ARNT2: variants seen among roughly 807,000 people sequenced by gnomAD.
ARNT2 encodes aryl hydrocarbon receptor nuclear translocator 2, also known as ARNT protein 2.
ARNT2 carries 36 observed loss-of-function variants against 91.7 expected under a neutral mutation model. The observed-to-expected ratio is 0.39, with a 90% CI of 0.30 to 0.52. ARNT2 has a LOEUF of 0.52. Among genes scored for constraint, ARNT2 ranks in the 20% least tolerant of loss-of-function variants. ARNT2 has a pLI of 0.72. For synonymous variants in ARNT2, 365 were observed against 347.1 expected, an observed-to-expected ratio of 1.05 and a Z score of -0.57; for missense variants, 775 against 939.3, an observed-to-expected ratio of 0.83 and a Z score of 2.29.
intron 1 of ARNT2, among the ~76,000 whole-genome samples, chr15:80,436,578 T>G (rs946236190): frequency 1.3e-5 from 2 of 152,200 alleles, no homozygotes; most frequent in Non-Finnish European, 2.9e-5. Flanking sequence ...CTCCAGATGA[T>G]TAACCATCTG....
In ARNT2 at chr15:80,591,463, C is replaced by A; in HGVS notation, c.1919-105C>A. 1.4e-6 allele frequency: 2 copies of A among 1,412,632 alleles called. No homozygotes were observed. Among genetic ancestry groups the A allele is most frequent in the East Asian group, 2.3e-5 (1 of 43,762 alleles). 87.5% of individuals were successfully genotyped at this position (1,412,632 alleles called of 1,614,324 possible). A position where few individuals can be genotyped will look rare whatever the true frequency, so the allele number is the denominator to read the frequency against. ...CACATTCCGCCAGCTCTGGATGGAA[C>A]GTGCCTTTCAGAAGCGGGAGGCCCT... is the stretch of plus-strand genomic sequence containing the variant. On this transcript the variant is annotated intron_variant, in intron 17 of 18. Transcript: ENST00000303329. The surrounding 1 kb of genome is among the most constrained non-coding windows in gnomAD (Gnocchi z 5.1).
At chr15:80,507,490 G>A (rs556514085) in intron 5 of ARNT2, among the ~76,000 whole-genome samples, 1 of 152,242 alleles carries the variant, frequency 6.6e-6, no homozygotes, top group Admixed American at 6.5e-5. Context: ...CTGCTTTTGC[G>A]GTGCATGGTC....
chr15:80,528,254 C>G (rs1333855209), intron 8 of ARNT2, among the ~76,000 whole-genome samples: 1 of 152,084 alleles, frequency 6.6e-6, no homozygotes, highest in Non-Finnish European at 1.5e-5. Context: ...GAGGCTGATT[C>G]CAGAGTCTGA....
intron 8 of ARNT2, among the ~76,000 whole-genome samples, chr15:80,523,906 A>C (rs1380775470): frequency 6.6e-6 from 1 of 152,202 alleles, no homozygotes; most frequent in Non-Finnish European, 1.5e-5. Flanking sequence ...ACTTTGCCGC[A>C]TGAGAAATGA....
chr15:80,550,547 A>G (rs141132272), intron 8 of ARNT2, among the ~76,000 whole-genome samples: 44 of 152,356 alleles, frequency 2.9e-4, no homozygotes, highest in African/African-American at 1.0e-3. Flanking sequence ...TGCACTGTGA[A>G]GGACCCCAGA....
intron 8 of ARNT2, among the ~76,000 whole-genome samples, chr15:80,523,125 A>G (rs1022073204): frequency 6.6e-6 from 1 of 152,162 alleles, no homozygotes. Flanking sequence ...CTCATGTCCA[A>G]TGTCTCATGA....
At chr15:80,516,238 T>A (rs1897432556) in intron 8 of ARNT2, among the ~76,000 whole-genome samples, 1 of 152,206 alleles carries the variant, frequency 6.6e-6, no homozygotes, top group African/African-American at 2.4e-5. Context: ...GCAACTATGT[T>A]TTTATTGACT....
At chr15:80,504,336 C>T (rs1897241514) in intron 5 of ARNT2, among the ~76,000 whole-genome samples, 1 of 152,206 alleles carries the variant, frequency 6.6e-6, no homozygotes, top group Non-Finnish European at 1.5e-5. Flanking sequence ...TTGTTGTCCG[C>T]TCTCTCATCC....
intron 12 of ARNT2, among the ~76,000 whole-genome samples, chr15:80,565,919 C>A (rs1203221793): frequency 6.6e-6 from 1 of 152,006 alleles, no homozygotes; most frequent in African/African-American, 2.4e-5. Context: ...GACCTGCATT[C>A]CAACCCCAGC....
chr15:80,486,445 G>A (rs1421757682), intron 5 of ARNT2, among the ~76,000 whole-genome samples: 1 of 152,150 alleles, frequency 6.6e-6, no homozygotes, highest in Non-Finnish European at 1.5e-5. Context: ...ACTCACTCTA[G>A]TCCTTTACCC....
Position 80,493,486 on chromosome 15 carries a change from G to T in ARNT2, c.623-14670G>T, listed in dbSNP as rs937712603. On this transcript the variant is annotated intron_variant, in intron 5 of 18. Coordinates refer to ENST00000303329, the MANE Select transcript of ARNT2 (RefSeq NM_014862.4). ...TAGGGCCATGCCCACTCCTTTACAT[G>T]AAATGCTGCCTCTCAGAAGCAGGCT... Among the ~76,000 whole-genome samples, 14 of 152,312 alleles carry T rather than the reference G, an allele frequency of 9.2e-5. 2 individuals are homozygous for T. Among genetic ancestry groups the T allele is most frequent in the Admixed American group, 2.0e-4 (3 of 15,308 alleles).
intron 6 of ARNT2, among the ~76,000 whole-genome samples, chr15:80,509,306 G>A (rs1441647983): frequency 6.6e-6 from 1 of 152,024 alleles, no homozygotes; most frequent in Non-Finnish European, 1.5e-5. Context: ...TCTGGATGTG[G>A]TGGCACACAC....
chr15:80,584,983 C>A (rs1347418592), intron 17 of ARNT2, among the ~76,000 whole-genome samples: 1 of 152,232 alleles, frequency 6.6e-6, no homozygotes, highest in African/African-American at 2.4e-5. Context: ...TCAACTGTAG[C>A]AGACTCCTCA....
chr15:80,521,702 T>C (rs892923913), intron 8 of ARNT2, among the ~76,000 whole-genome samples: 1 of 152,154 alleles, frequency 6.6e-6, no homozygotes, highest in South Asian at 2.1e-4. Context: ...ATCTTCATGC[T>C]TGGAGTAAAT....
chr15:80,516,335 G>C (rs1282090824), intron 8 of ARNT2, among the ~76,000 whole-genome samples: 1 of 152,092 alleles, frequency 6.6e-6, no homozygotes, highest in African/African-American at 2.4e-5. Context: ...TCTCCTTGTA[G>C]GTCTTTTTTT....
intron 5 of ARNT2, among the ~76,000 whole-genome samples, chr15:80,503,835 G>A (rs540483855): frequency 1.3e-5 from 2 of 152,230 alleles, no homozygotes; most frequent in Non-Finnish European, 2.9e-5. Context: ...GCTTAAAGAT[G>A]TACGTACCAG....
chr15:80,522,649 A>G (rs1897568224), intron 8 of ARNT2, among the ~76,000 whole-genome samples: 1 of 152,096 alleles, frequency 6.6e-6, no homozygotes, highest in African/African-American at 2.4e-5. Context: ...ATCTAAACAT[A>G]GAAAAGGTGT....
At chr15:80,580,844 G>T (rs923770651) in intron 16 of ARNT2, among the ~76,000 whole-genome samples, 6 of 152,184 alleles carry the variant, frequency 3.9e-5, no homozygotes, top group Admixed American at 3.9e-4. Context: ...TCACTACTCT[G>T]GACCTCTGGC....
At chr15:80,510,144 CAGACGG>C (rs1190707202) in intron 6 of ARNT2, among the ~76,000 whole-genome samples, 1 of 152,114 alleles carries the variant, frequency 6.6e-6, no homozygotes, top group African/African-American at 2.4e-5. Flanking sequence ...GTGTATTTCA[CAGACGG>C]AGCCAGCCTT....
Sources: allele counts gnomAD v4.1 joint callset (sites outside exome capture counted in the v4.1 genomes callset), GRCh38; gene constraint gnomAD v4.1.1; non-coding constraint Gnocchi (gnomAD v3.1); transcripts MANE v1.5; gene names NCBI Gene and HGNC (gene_info 2026-07-23, HGNC 2026-07-21).